The following CTDSPL variants were observed in gnomAD, a reference collection of about 807,000 sequenced individuals.
The protein encoded by CTDSPL is CTD small phosphatase like.
Under a neutral mutation model 30.5 loss-of-function variants are expected in CTDSPL, and 8 were observed. The observed-to-expected ratio is 0.26, with a 90% confidence interval of 0.15 to 0.47. The LOEUF (loss-of-function observed/expected upper bound fraction) is 0.47, where lower values mean the gene tolerates loss of function less well. CTDSPL is among the 20% of genes least tolerant of loss of function. The pLI, the probability that CTDSPL is intolerant of heterozygous loss-of-function variation, is 0.99. For synonymous variants in CTDSPL, 110 were observed against 137.9 expected, an observed-to-expected ratio of 0.80 and a Z score of 1.42; for missense variants, 248 against 366.1, an observed-to-expected ratio of 0.68 and a Z score of 2.63.
chr3:37,955,504 A>G (rs939633785), intron 2 of CTDSPL, among the ~76,000 whole-genome samples: 2 of 152,174 alleles, frequency 1.3e-5, no homozygotes, highest in African/African-American at 4.8e-5. Context: ...ACCAAATACT[A>G]TGCAGCCGTA....
In CTDSPL at chr3:37,984,386, G is replaced by A. The variant is rs1190533593; in HGVS notation, c.*3519G>A. The A allele has an allele frequency of 4.5e-6, 2 of 442,506 alleles. No individual in the cohort carries two copies. The highest frequency in any genetic ancestry group is 9.2e-6 in the Non-Finnish European group (2 of 216,434). The allele number at this position is 442,506 out of a possible 1,614,324, so 27.4% of individuals were successfully genotyped here. A position where few individuals can be genotyped will look rare whatever the true frequency, so the allele number is the denominator to read the frequency against. On this transcript the variant is annotated 3_prime_UTR_variant, in exon 8 of 8. Coordinates refer to ENST00000273179, the MANE Select transcript of CTDSPL (RefSeq NM_001008392.2). The stretch of plus-strand genomic sequence containing the variant: ...ACTTAGGAAATGCTACATGCGGAAT[G>A]TGCACGTTTCCAGGGGCGAGTATTG...
At chr3:37,950,788 T>C (rs533811881) in intron 2 of CTDSPL, among the ~76,000 whole-genome samples, 1 of 152,272 alleles carries the variant, frequency 6.6e-6, no homozygotes, top group Non-Finnish European at 1.5e-5. Flanking sequence ...TTCTGAAGTT[T>C]AAGGACAAAG....
intron 4 of CTDSPL, among the ~76,000 whole-genome samples, chr3:37,966,983 A>G (rs1214453194): frequency 6.6e-6 from 1 of 152,258 alleles, no homozygotes; most frequent in African/African-American, 2.4e-5. Context: ...GTGTAAGTTC[A>G]TCATTGAGAA....
intron 1 of CTDSPL, among the ~76,000 whole-genome samples, chr3:37,936,406 G>A (rs1698915940): frequency 6.6e-6 from 1 of 151,930 alleles, no homozygotes; most frequent in Non-Finnish European, 1.5e-5. Context: ...TTTGTGCCCT[G>A]GCCTCTTACC....
At chr3:37,971,749 G>C (rs1699369199) in intron 6 of CTDSPL, among the ~76,000 whole-genome samples, 1 of 152,234 alleles carries the variant, frequency 6.6e-6, no homozygotes, top group Admixed American at 6.5e-5. Context: ...GCCACCTGAA[G>C]CTGGGTGTCC....
At chr3:37,958,111 A>G (rs1699195664) in intron 3 of CTDSPL, among the ~76,000 whole-genome samples, 1 of 152,244 alleles carries the variant, frequency 6.6e-6, no homozygotes, top group South Asian at 2.1e-4. Context: ...AGACACAGCA[A>G]TCTTACATAG....
At chr3:37,897,381 T>C (rs1698401199) in intron 1 of CTDSPL, among the ~76,000 whole-genome samples, 1 of 152,192 alleles carries the variant, frequency 6.6e-6, no homozygotes, top group South Asian at 2.1e-4. Context: ...CCCAATTTAT[T>C]TTACTTATTG....
At chr3:37,875,838 C>T (rs1681137964) in intron 1 of CTDSPL, among the ~76,000 whole-genome samples, 1 of 152,222 alleles carries the variant, frequency 6.6e-6, no homozygotes. Flanking sequence ...ATTTGAGTTG[C>T]TATTAATTCT....
chr3:37,911,932 G>A (rs1028310536), intron 1 of CTDSPL: 21 of 267,264 alleles, frequency 7.9e-5, no homozygotes, highest in Admixed American at 1.4e-4. Flanking sequence ...CGTGGTGGCG[G>A]GCGCCTGCAG....
intron 1 of CTDSPL, among the ~76,000 whole-genome samples, chr3:37,883,666 C>T (rs1282183744): frequency 6.6e-6 from 1 of 152,194 alleles, no homozygotes; most frequent in Admixed American, 6.5e-5. Context: ...GGTGGTGTTA[C>T]TTCTTCTTTA....
chr3:37,921,798 A>T (rs1357082007), intron 1 of CTDSPL, among the ~76,000 whole-genome samples: 1 of 152,220 alleles, frequency 6.6e-6, no homozygotes, highest in African/African-American at 2.4e-5. Flanking sequence ...GCAAGGCTGG[A>T]GAACTGTTTC....
intron 1 of CTDSPL, among the ~76,000 whole-genome samples, chr3:37,895,190 A>ATTTCC (rs1559626917): frequency 6.6e-6 from 1 of 152,088 alleles, no homozygotes; most frequent in Non-Finnish European, 1.5e-5. Context: ...CCGGGAAGTG[A>ATTTCC]GGGGTCGTTG....
intron 1 of CTDSPL, among the ~76,000 whole-genome samples, chr3:37,928,919 T>G (rs1024219309): frequency 6.6e-6 from 1 of 152,234 alleles, no homozygotes; most frequent in African/African-American, 2.4e-5. Context: ...TCAGGTCTTA[T>G]GCTGAAGTCT....
At chr3:37,948,475 CTT>C (rs1699068534) in intron 2 of CTDSPL, among the ~76,000 whole-genome samples, 1 of 152,152 alleles carries the variant, frequency 6.6e-6, no homozygotes, top group South Asian at 2.1e-4. Flanking sequence ...AGTCATAAAA[CTT>C]TATGTTCCAA....
chr3:37,882,959 G>A (rs950644222), intron 1 of CTDSPL, among the ~76,000 whole-genome samples: 1 of 152,204 alleles, frequency 6.6e-6, no homozygotes, highest in African/African-American at 2.4e-5. Flanking sequence ...TTGGTTTTGT[G>A]TAGTGCTCTA....
chr3:37,912,766 A>G (rs924091162), intron 1 of CTDSPL, among the ~76,000 whole-genome samples: 15 of 152,194 alleles, frequency 9.9e-5, no homozygotes, highest in African/African-American at 3.6e-4. Context: ...ATTAAGCACT[A>G]TGTGTTAAAC....
At chr3:37,953,702 A>G (rs1699136026) in intron 2 of CTDSPL, among the ~76,000 whole-genome samples, 1 of 152,212 alleles carries the variant, frequency 6.6e-6, no homozygotes, top group Non-Finnish European at 1.5e-5. Flanking sequence ...CAAATGGTCT[A>G]ATACATGAAC....
At chr3:37,917,211 C>T (rs1698659389) in intron 1 of CTDSPL, among the ~76,000 whole-genome samples, 1 of 152,190 alleles carries the variant, frequency 6.6e-6, no homozygotes, top group African/African-American at 2.4e-5. Flanking sequence ...CGGACAGAGA[C>T]AAACACAAGA....
chr3:37,894,160 C>T (rs147711646), intron 1 of CTDSPL, among the ~76,000 whole-genome samples: 2,161 of 152,290 alleles, frequency 0.014, 24 homozygotes, highest in South Asian at 0.031. Flanking sequence ...TAGCTCACTG[C>T]AGCCTTGAAC....
Sources: gnomAD v4.1 joint callset for allele counts (sites outside exome capture counted in the v4.1 genomes callset) on GRCh38, gnomAD v4.1.1 for gene constraint, MANE v1.5 for transcripts, NCBI Gene and HGNC (gene_info 2026-07-23, HGNC 2026-07-21) for gene names.